CA13: variants seen among roughly 807,000 people sequenced by gnomAD.
CA13 encodes the protein CA-XIII.
A neutral mutation model predicts 31.5 loss-of-function variants in CA13; 21 were observed. The ratio of observed to expected loss-of-function variants is 0.67; its 90% CI spans 0.47 to 0.96. The LOEUF (loss-of-function observed/expected upper bound fraction) is 0.96, where lower values mean the gene tolerates loss of function less well. CA13 is among the 40% of genes least tolerant of loss of function. The probability of loss-of-function intolerance (pLI) is 0.00; values close to 1 mark genes in which losing one functional copy is unlikely to be tolerated. For synonymous variants in CA13, 117 were observed against 111.4 expected (o/e 1.05, Z -0.32); for missense variants, 315 against 318.9 (o/e 0.99, Z 0.09).
intron 6 of CA13, among the ~76,000 whole-genome samples, chr8:85,280,750 A>G (rs971083011): frequency 6.6e-6 from 1 of 152,218 alleles, no homozygotes; most frequent in Non-Finnish European, 1.5e-5. Context: ...AAACATATTT[A>G]TAATAGAAAA....
At chr8:85,261,317 A>C (rs1232192758) in intron 3 of CA13, among the ~76,000 whole-genome samples, 1 of 152,222 alleles carries the variant, frequency 6.6e-6, no homozygotes, top group Non-Finnish European at 1.5e-5. Context: ...ATGTTAAGAC[A>C]CCTAAGTATG....
At position 85,245,524 on chromosome 8, in the gene CA13, G is replaced by T. The variant is rs1351377325; in HGVS notation, c.-305G>T. 2 of 407,304 alleles carry T rather than the reference G, an allele frequency of 4.9e-6. No individual in the cohort carries two copies. Among genetic ancestry groups the T allele is most frequent in the Non-Finnish European group, 8.8e-6 (2 of 226,390 alleles). The allele number at this position is 407,304 out of a possible 1,614,324, so 25.2% of individuals were successfully genotyped here. A position where few individuals can be genotyped will look rare whatever the true frequency, so the allele number is the denominator to read the frequency against. ...CGAGTGACGACTCCTCAGAAGGCAG[G>T]AGATCCCCCCCGGAAACCTTTCTCT... is the stretch of plus-strand genomic sequence containing the variant. On this transcript the variant is annotated 5_prime_UTR_variant, in exon 1 of 7. Transcript: ENST00000321764.
intron 6 of CA13, among the ~76,000 whole-genome samples, chr8:85,275,619 T>A (rs911244680): frequency 6.6e-6 from 1 of 152,206 alleles, no homozygotes; most frequent in African/African-American, 2.4e-5. Flanking sequence ...TTGTTTTGGC[T>A]ATAATCTGTT....
At chr8:85,276,520 A>G (rs1002205431) in intron 6 of CA13, among the ~76,000 whole-genome samples, 10 of 152,252 alleles carry the variant, frequency 6.6e-5, no homozygotes, top group African/African-American at 2.4e-4. Context: ...GAGAGCCTTT[A>G]TGTCTAGCTA....
chr8:85,274,378 G>A (rs1342003661), intron 6 of CA13, among the ~76,000 whole-genome samples: 1 of 152,094 alleles, frequency 6.6e-6, no homozygotes, highest in Non-Finnish European at 1.5e-5. Context: ...AGAAACAGGA[G>A]GAACCCAATG....
chr8:85,253,763 C>T (rs1011926801), intron 2 of CA13, among the ~76,000 whole-genome samples: 10 of 151,980 alleles, frequency 6.6e-5, no homozygotes, highest in South Asian at 2.1e-4. Flanking sequence ...TGGTAGACCC[C>T]GCTACTGGGG....
At chr8:85,258,834 G>C (rs1807338297) in intron 2 of CA13, among the ~76,000 whole-genome samples, 1 of 151,080 alleles carries the variant, frequency 6.6e-6, no homozygotes, top group Non-Finnish European at 1.5e-5. Context: ...CTACTTGGGA[G>C]GCTAAAGTGG....
intron 2 of CA13, among the ~76,000 whole-genome samples, chr8:85,258,176 A>G (rs967094972): frequency 7.2e-5 from 11 of 151,826 alleles, no homozygotes; most frequent in African/African-American, 2.7e-4. Context: ...TGTTCATGGA[A>G]ATTTAATAAC....
intron 2 of CA13, among the ~76,000 whole-genome samples, chr8:85,257,831 T>G (rs1295642681): frequency 6.7e-6 from 1 of 149,228 alleles, no homozygotes; most frequent in Non-Finnish European, 1.5e-5. Flanking sequence ...AGGGTTTCAT[T>G]GTGTTGGCCA....
intron 6 of CA13, among the ~76,000 whole-genome samples, chr8:85,274,762 A>G (rs1472025326): frequency 6.6e-6 from 1 of 152,188 alleles, no homozygotes. Flanking sequence ...GTGGAAGTGC[A>G]ATAACCCCAT....
chr8:85,255,511 G>A (rs1339710529), intron 2 of CA13, among the ~76,000 whole-genome samples: 1 of 152,114 alleles, frequency 6.6e-6, no homozygotes, highest in Non-Finnish European at 1.5e-5. Context: ...AGTAGAGACA[G>A]GGTTTTGCCA....
intron 6 of CA13, among the ~76,000 whole-genome samples, chr8:85,279,142 T>G (rs1807661416): frequency 6.6e-6 from 1 of 152,154 alleles, no homozygotes; most frequent in African/African-American, 2.4e-5. Context: ...AAAATTTCAG[T>G]ATTAGAGTCA....
At chr8:85,277,302 A>AACCC (rs1564005638) in intron 6 of CA13, among the ~76,000 whole-genome samples, 1 of 152,132 alleles carries the variant, frequency 6.6e-6, no homozygotes, top group Non-Finnish European at 1.5e-5. Context: ...CGAGACCACG[A>AACCC]ACCCACCGGG....
chr8:85,261,010 C>T (rs1232128986), intron 3 of CA13, among the ~76,000 whole-genome samples: 1 of 152,162 alleles, frequency 6.6e-6, no homozygotes, highest in Non-Finnish European at 1.5e-5. Flanking sequence ...AAAGGGTCCT[C>T]CTGACATATG....
intron 6 of CA13, among the ~76,000 whole-genome samples, chr8:85,274,363 A>G (rs555327661): frequency 2.0e-5 from 3 of 152,250 alleles, no homozygotes; most frequent in Non-Finnish European, 4.4e-5. Flanking sequence ...GGGATAACAC[A>G]GGGGAGAAAC....
intron 6 of CA13, among the ~76,000 whole-genome samples, chr8:85,277,058 G>C (rs924748062): frequency 3.3e-5 from 5 of 152,108 alleles, no homozygotes; most frequent in African/African-American, 1.2e-4. Context: ...TAGACCACTC[G>C]GCTCTCTGTA....
intron 2 of CA13, among the ~76,000 whole-genome samples, chr8:85,258,525 C>G (rs1270005321): frequency 6.6e-6 from 1 of 151,902 alleles, no homozygotes; most frequent in Non-Finnish European, 1.5e-5. Flanking sequence ...ATTGTGTTGA[C>G]TGTGTGTCAG....
At chr8:85,280,754 T>C (rs1807691088) in intron 6 of CA13, among the ~76,000 whole-genome samples, 2 of 152,296 alleles carry the variant, frequency 1.3e-5, no homozygotes, top group Admixed American at 6.5e-5. Context: ...ATATTTATAA[T>C]AGAAAAGTTT....
At chr8:85,273,014 C>A (rs966620265) in intron 6 of CA13, among the ~76,000 whole-genome samples, 2 of 152,126 alleles carry the variant, frequency 1.3e-5, no homozygotes, top group Non-Finnish European at 2.9e-5. Context: ...GACAGGGTTT[C>A]ATCATGTTAG....
Sources: allele counts gnomAD v4.1 joint callset (sites outside exome capture counted in the v4.1 genomes callset), GRCh38; gene constraint gnomAD v4.1.1; transcripts MANE v1.5; gene names NCBI Gene and HGNC (gene_info 2026-07-23, HGNC 2026-07-21).